RNF128: variants seen among roughly 807,000 people sequenced by gnomAD.
RNF128 encodes the protein E3 ubiquitin-protein ligase RNF128.
Under a neutral mutation model 26.2 loss-of-function variants are expected in RNF128, and 13 were observed. That is an observed-to-expected ratio of 0.50 (90% confidence interval 0.32 to 0.79). The LOEUF (loss-of-function observed/expected upper bound fraction) is 0.79, where lower values mean the gene tolerates loss of function less well. Ranked by LOEUF, RNF128 falls within the 30% of genes least tolerant of loss-of-function variation. The pLI is 0.03. For missense variants in RNF128, 315 were observed against 349.7 expected (o/e 0.90, Z 0.79); for synonymous variants, 149 against 142.5 (o/e 1.05, Z -0.32).
intron 1 of RNF128, among the ~76,000 whole-genome samples, chrX:106,701,731 A>G (rs1204804624): frequency 1.8e-5 from 2 of 111,908 alleles, no homozygotes; most frequent in Non-Finnish European, 3.8e-5. Flanking sequence ...CAGTAAAAGC[A>G]TCTTGACAAG....
At chrX:106,711,127 C>G (rs1256629024) in intron 1 of RNF128, among the ~76,000 whole-genome samples, 2 of 111,705 alleles carry the variant, frequency 1.8e-5, no homozygotes, top group Non-Finnish European at 3.8e-5. Context: ...TTCAAAACAC[C>G]CACTTAATTT....
At chrX:106,711,544 T>C (rs1459004655) in intron 1 of RNF128, among the ~76,000 whole-genome samples, 5 of 112,068 alleles carry the variant, frequency 4.5e-5, no homozygotes, top group African/African-American at 1.3e-4. Flanking sequence ...CAATTCCTTT[T>C]TTCAACCCAC....
chrX:106,707,684 A>G (rs967244336), intron 1 of RNF128, among the ~76,000 whole-genome samples: 1 of 110,419 alleles, frequency 9.1e-6, no homozygotes, highest in East Asian at 2.8e-4. Flanking sequence ...CCCCTCCCCA[A>G]CAATATTCTC....
At chrX:106,724,507 C>T (rs1033176719), upstream of RNF128, among the ~76,000 whole-genome samples, 1 of 111,867 alleles carries the variant, frequency 8.9e-6, no homozygotes, top group Admixed American at 9.5e-5. Flanking sequence ...AAGAACTGGC[C>T]CCCATGTACC....
In RNF128 at chrX:106,699,763, C is replaced by T. The variant is rs1027673410; in HGVS notation, c.406+5355C>T. Among the ~76,000 whole-genome samples, 7 of 111,749 alleles carry T rather than the reference C, an allele frequency of 6.3e-5. No homozygotes were observed. In the East Asian group the frequency reaches 1.4e-3, roughly 23 times the overall value. On this transcript the variant is annotated intron_variant, in intron 1 of 6. Coordinates refer to the RNF128 transcript ENST00000324342. ...TACTCTTTCCCTCTCCCTCACAATG[C>T]TTCAACCACTCTGATCTTCGGACAT...
chrX:106,755,818 T>C (rs1376459710), intron 1 of RNF128, among the ~76,000 whole-genome samples: 2 of 110,793 alleles, frequency 1.8e-5, no homozygotes, highest in African/African-American at 3.3e-5. Context: ...GATGACATGA[T>C]TGTATATCTA....
intron 2 of RNF128, among the ~76,000 whole-genome samples, chrX:106,781,992 T>C (rs986718750): frequency 1.8e-5 from 2 of 112,635 alleles, no homozygotes; most frequent in Non-Finnish European, 3.7e-5. Flanking sequence ...ATTTGCATTA[T>C]AGTCTTGGCT....
At chrX:106,787,210 G>A (rs1038432044) in intron 3 of RNF128, among the ~76,000 whole-genome samples, 4 of 111,484 alleles carry the variant, frequency 3.6e-5, no homozygotes, top group Non-Finnish European at 5.7e-5. Context: ...TGTTCAACTG[G>A]TGAATGGATA....
chrX:106,757,919 G>A (rs766500058), intron 1 of RNF128, among the ~76,000 whole-genome samples: 25 of 111,117 alleles, frequency 2.2e-4, no homozygotes, highest in Admixed American at 3.8e-4. Context: ...GTTATGCAAC[G>A]TAGTACTGGA....
intron 1 of RNF128, among the ~76,000 whole-genome samples, chrX:106,700,314 G>A (rs961126429): frequency 1.8e-5 from 2 of 111,042 alleles, no homozygotes; most frequent in East Asian, 5.6e-4. Context: ...GTGAGCCGTC[G>A]CACTTGGCCT....
At chrX:106,767,940 G>C (rs1009979843) in intron 1 of RNF128, among the ~76,000 whole-genome samples, 1 of 111,693 alleles carries the variant, frequency 9.0e-6, no homozygotes, top group Non-Finnish European at 1.9e-5. Flanking sequence ...GTTGAATTTT[G>C]TCAAAGGCCT....
chrX:106,715,284 A>G (rs1490046426), intron 1 of RNF128, among the ~76,000 whole-genome samples: 1 of 112,040 alleles, frequency 8.9e-6, no homozygotes, highest in Non-Finnish European at 1.9e-5. Flanking sequence ...TTTAATTTGC[A>G]TTTCCCTAAT....
intron 1 of RNF128, among the ~76,000 whole-genome samples, chrX:106,737,990 G>A (rs1162445595): frequency 8.9e-6 from 1 of 112,002 alleles, no homozygotes; most frequent in Non-Finnish European, 1.9e-5. Flanking sequence ...TAAGACAAAA[G>A]AATTGACTTA....
At chrX:106,755,855 T>C (rs947566996) in intron 1 of RNF128, among the ~76,000 whole-genome samples, 3 of 110,183 alleles carry the variant, frequency 2.7e-5, no homozygotes, top group Non-Finnish European at 3.8e-5. Flanking sequence ...CAGCCCAAAA[T>C]CTCCTTAAGC....
intron 1 of RNF128, among the ~76,000 whole-genome samples, chrX:106,763,061 G>A (rs948014640): frequency 9.2e-6 from 1 of 108,549 alleles, no homozygotes; most frequent in Non-Finnish European, 1.9e-5. Context: ...AGATTGTAAT[G>A]AGTAATTAGG....
At chrX:106,777,134 T>C (rs1017306498) in intron 2 of RNF128, among the ~76,000 whole-genome samples, 6 of 111,751 alleles carry the variant, frequency 5.4e-5, no homozygotes, top group Non-Finnish European at 9.4e-5. Flanking sequence ...GTTAGTAAAA[T>C]TCAACTATCT....
intron 1 of RNF128, among the ~76,000 whole-genome samples, chrX:106,745,103 A>C: frequency 9.0e-6 from 1 of 111,668 alleles, no homozygotes. Context: ...TAATGTCTTT[A>C]ATATACTGTT....
upstream of RNF128, among the ~76,000 whole-genome samples, chrX:106,724,730 G>A (rs1453447721): frequency 8.9e-6 from 1 of 111,879 alleles, no homozygotes; most frequent in African/African-American, 3.3e-5. Context: ...TTCTCAGTCT[G>A]GGTTAGGTGC....
At chrX:106,787,630 T>C (rs1051299707) in intron 3 of RNF128, among the ~76,000 whole-genome samples, 11 of 111,602 alleles carry the variant, frequency 9.9e-5, no homozygotes, top group African/African-American at 3.2e-4. Context: ...TTATAGAGCT[T>C]GCACAAATGG....
Sources: gnomAD v4.1 joint callset for allele counts (sites outside exome capture counted in the v4.1 genomes callset) on GRCh38, gnomAD v4.1.1 for gene constraint, MANE v1.5 for transcripts, NCBI Gene and HGNC (gene_info 2026-07-23, HGNC 2026-07-21) for gene names.